Variants in RIMS2 observed in about 807,000 individuals in gnomAD.
RIMS2 encodes regulating synaptic membrane exocytosis protein 2.
In RIMS2, 59 loss-of-function variants were observed where a neutral mutation model predicts 174.4. That is an observed-to-expected ratio of 0.34 (90% CI 0.27 to 0.42). The LOEUF is 0.42. Ranked by LOEUF, RIMS2 falls within the 10% of genes least tolerant of loss-of-function variation. The pLI is 1.00. For missense variants in RIMS2, 1,620 were observed against 1,666.3 expected (o/e 0.97, Z 0.48); for synonymous variants, 606 against 572.5 (o/e 1.06, Z -0.84).
rs1440403177 is a variant in RIMS2, at chr8:103,901,811, C to T, written c.1625-8323C>T. Among the ~76,000 whole-genome samples, 5 of 152,148 alleles carry T rather than the reference C, an allele frequency of 3.3e-5. No individual in the cohort carries two copies. The East Asian group carries it at 9.6e-4, about 29-fold the overall frequency. ...TTCTACTGTACTTTAGCCAGCCATGCTTTTGTATTGGAGCTTAAGACTTGG... is the reference window on the plus strand; with the variant it reads ...TTCTACTGTACTTTAGCCAGCCATGTTTTTGTATTGGAGCTTAAGACTTGG... On this transcript the variant is annotated intron_variant, in intron 4 of 23. Coordinates refer to ENST00000504942, the Ensembl canonical transcript of RIMS2.
chr8:103,562,579 G>A (rs1444288888), intron 1 of RIMS2, among the ~76,000 whole-genome samples: 1 of 152,178 alleles, frequency 6.6e-6, no homozygotes, highest in African/African-American at 2.4e-5. Context: ...TTCATGGGCT[G>A]GCATTGAGTG....
intron 3 of RIMS2, among the ~76,000 whole-genome samples, chr8:103,842,278 T>C (rs1030738967): frequency 4.6e-5 from 7 of 152,118 alleles, no homozygotes; most frequent in Non-Finnish European, 8.8e-5. Flanking sequence ...GTTTTTGCTT[T>C]TGTTTTACAT....
intron 1 of RIMS2, among the ~76,000 whole-genome samples, chr8:103,518,264 C>T (rs1829979518): frequency 6.6e-6 from 1 of 151,724 alleles, no homozygotes; most frequent in African/African-American, 2.4e-5. Flanking sequence ...TATGCTATAA[C>T]TCCCATGTGT....
rs192028367 is a variant in RIMS2 at position 103,700,585 on chromosome 8, G to A, written c.387+3289G>A. ...TCTTGCTTTATTATTCAACCTGACA[G>A]TCTCTTCCTTTTAATTGGATGTTTA... On this transcript the variant is annotated intron_variant, in intron 2 of 23. Transcript: ENST00000504942. Among the ~76,000 whole-genome samples, 167 of 151,988 alleles carry A rather than the reference G, an allele frequency of 1.1e-3. 1 individual carries two copies. Among genetic ancestry groups the A allele is most frequent in the Non-Finnish European group, 2.1e-3 (141 of 67,852 alleles).
intron 1 of RIMS2, among the ~76,000 whole-genome samples, chr8:103,691,703 G>A (rs938602126): frequency 4.6e-5 from 7 of 152,156 alleles, no homozygotes; most frequent in African/African-American, 1.4e-4. Flanking sequence ...TACTTAGTTT[G>A]TTTGGTGTGG....
chr8:103,860,162 A>G (rs1351157314), intron 3 of RIMS2, among the ~76,000 whole-genome samples: 1 of 152,152 alleles, frequency 6.6e-6, no homozygotes, highest in Non-Finnish European at 1.5e-5. Context: ...TTGGAGAAAA[A>G]TAATAATATT....
intron 1 of RIMS2, among the ~76,000 whole-genome samples, chr8:103,506,223 T>A (rs1206830973): frequency 6.6e-6 from 1 of 151,984 alleles, no homozygotes; most frequent in Non-Finnish European, 1.5e-5. Context: ...AAAATTGACT[T>A]ATATTTTATG....
intron 1 of RIMS2, among the ~76,000 whole-genome samples, chr8:103,684,617 C>G (rs996908219): frequency 2.7e-5 from 4 of 145,700 alleles, no homozygotes; most frequent in Non-Finnish European, 6.1e-5. Context: ...GACAGACTCT[C>G]GCTCTATCCC....
chr8:103,734,567 T>C (rs76990114), intron 2 of RIMS2, among the ~76,000 whole-genome samples: 1,730 of 151,978 alleles, frequency 0.011, 22 homozygotes, highest in South Asian at 0.049. Context: ...CTGCTTGTTA[T>C]TCCTTGTAAG....
At chr8:103,613,890 T>G (rs2095444702) in intron 1 of RIMS2, among the ~76,000 whole-genome samples, 1 of 152,228 alleles carries the variant, frequency 6.6e-6, no homozygotes, top group South Asian at 2.1e-4. Flanking sequence ...CCTGTCCTGC[T>G]GTGGCTGAGT....
intron 17 of RIMS2, among the ~76,000 whole-genome samples, chr8:104,003,194 A>C (rs1306673417): frequency 6.6e-6 from 1 of 152,176 alleles, no homozygotes; most frequent in South Asian, 2.1e-4. Context: ...GTAAAGTATC[A>C]TGGAAGACAC....
chr8:104,027,224 T>A (rs1278664265), intron 19 of RIMS2, among the ~76,000 whole-genome samples: 1 of 152,184 alleles, frequency 6.6e-6, no homozygotes, highest in Admixed American at 6.6e-5. Flanking sequence ...GAGGAAGGAA[T>A]GCACTTAAGA....
intron 1 of RIMS2, among the ~76,000 whole-genome samples, chr8:103,636,096 C>T (rs1326355325): frequency 6.6e-6 from 1 of 152,270 alleles, no homozygotes; most frequent in Non-Finnish European, 1.5e-5. Flanking sequence ...GGCTAAGATG[C>T]CTTAACAGCA....
chr8:103,673,554 C>T (rs956259777), intron 1 of RIMS2, among the ~76,000 whole-genome samples: 2 of 152,234 alleles, frequency 1.3e-5, no homozygotes, highest in African/African-American at 4.8e-5. Context: ...TCAGCTCAAG[C>T]TGTATCTGGG....
At chr8:103,909,118 G>T (rs1346887652) in intron 4 of RIMS2, among the ~76,000 whole-genome samples, 1 of 151,988 alleles carries the variant, frequency 6.6e-6, no homozygotes, top group African/African-American at 2.4e-5. Context: ...GTAGTGTCTT[G>T]TATTTTTCTA....
At chr8:104,052,775 A>G (rs1398710488) in intron 19 of RIMS2, among the ~76,000 whole-genome samples, 1 of 152,158 alleles carries the variant, frequency 6.6e-6, no homozygotes, top group African/African-American at 2.4e-5. Context: ...CTTACAGGAA[A>G]GGTAGAAGCT....
intron 12 of RIMS2, among the ~76,000 whole-genome samples, chr8:103,934,699 CTTT>C (rs398068108): frequency 2.1e-5 from 3 of 139,972 alleles, no homozygotes; most frequent in Admixed American, 1.4e-4. Context: ...ATAAACCATT[CTTT>C]TTTTTTTTTT....
intron 19 of RIMS2, among the ~76,000 whole-genome samples, chr8:104,122,771 A>G (rs1363922230): frequency 2.0e-5 from 3 of 152,154 alleles, no homozygotes; most frequent in Non-Finnish European, 4.4e-5. Flanking sequence ...TTTTAAAATA[A>G]TGGTAATTTT....
chr8:103,941,264 T>C (rs958719690), intron 13 of RIMS2, among the ~76,000 whole-genome samples: 2 of 151,920 alleles, frequency 1.3e-5, no homozygotes, highest in African/African-American at 4.8e-5. Context: ...GGGGGATAGC[T>C]TGAGACCAGG....
Sources: allele counts gnomAD v4.1 joint callset (sites outside exome capture counted in the v4.1 genomes callset), GRCh38; gene constraint gnomAD v4.1.1; transcripts MANE v1.5; gene names NCBI Gene and HGNC (gene_info 2026-07-23, HGNC 2026-07-21).